Variants in EPHA3 observed in about 807,000 individuals in gnomAD.
The protein encoded by EPHA3 is EPH receptor A3, also known as ephrin type-A receptor 3.
EPHA3 carries 42 observed loss-of-function variants against 107.1 expected under a neutral mutation model. The ratio of observed to expected loss-of-function variants is 0.39; its 90% confidence interval spans 0.31 to 0.51. The LOEUF is 0.51. Ranked by LOEUF, EPHA3 falls within the 20% of genes least tolerant of loss-of-function variation. The pLI is 0.78. For synonymous variants in EPHA3, 461 were observed against 424.8 expected (o/e 1.09, Z -1.05); for missense variants, 1,183 against 1,211.2 (o/e 0.98, Z 0.35).
chr3:89,359,832 T>TATATACATATATATACATCTATATAC (rs747927767), intron 5 of EPHA3, among the ~76,000 whole-genome samples: 1 of 128,122 alleles, frequency 7.8e-6, no homozygotes, highest in African/African-American at 2.9e-5. Flanking sequence ...CATATATATA[T>TATATACATATATATACATCTATATAC]ACATATATAT....
chr3:89,369,670 CT>C (rs1708253530), intron 5 of EPHA3, among the ~76,000 whole-genome samples: 1 of 147,912 alleles, frequency 6.8e-6, no homozygotes, highest in East Asian at 2.0e-4. Context: ...TCTAATTAAA[CT>C]AAAGAGCTTC....
chr3:89,445,175 A>G (rs1453509171), intron 13 of EPHA3, among the ~76,000 whole-genome samples: 1 of 152,158 alleles, frequency 6.6e-6, no homozygotes, highest in Non-Finnish European at 1.5e-5. Flanking sequence ...CTGAGGCACA[A>G]GAATTGCTTG....
chr3:89,336,084 T>G (rs1301927895), intron 3 of EPHA3, among the ~76,000 whole-genome samples: 1 of 152,188 alleles, frequency 6.6e-6, no homozygotes, highest in Non-Finnish European at 1.5e-5. Context: ...CTTTTTTCTT[T>G]GGTATTCTCT....
intron 5 of EPHA3, among the ~76,000 whole-genome samples, chr3:89,351,466 T>G (rs886670526): frequency 4.7e-5 from 7 of 150,420 alleles, no homozygotes; most frequent in Admixed American, 2.0e-4. Context: ...TGCCTCGCCC[T>G]GCTTCGGCTC....
chr3:89,176,283 A>G (rs1182496113), intron 2 of EPHA3, among the ~76,000 whole-genome samples: 1 of 151,984 alleles, frequency 6.6e-6, no homozygotes, highest in Non-Finnish European at 1.5e-5. Context: ...GGAGATCGAG[A>G]CCAGCCTGGC....
chr3:89,287,563 G>A (rs1392419645), intron 3 of EPHA3, among the ~76,000 whole-genome samples: 1 of 152,056 alleles, frequency 6.6e-6, no homozygotes, highest in African/African-American at 2.4e-5. Flanking sequence ...AGTAACTCTA[G>A]TATTCTGGGA....
chr3:89,301,708 G>T (rs1706494258), intron 3 of EPHA3, among the ~76,000 whole-genome samples: 1 of 152,054 alleles, frequency 6.6e-6, no homozygotes, highest in African/African-American at 2.4e-5. Flanking sequence ...ATTTGGAGTT[G>T]CAATCCTGAC....
chr3:89,281,282 C>T (rs1705942611), intron 3 of EPHA3, among the ~76,000 whole-genome samples: 1 of 152,116 alleles, frequency 6.6e-6, no homozygotes, highest in Non-Finnish European at 1.5e-5. Flanking sequence ...GCCTTGGCCT[C>T]CTAAAGTGCT....
chr3:89,424,304 T>G (rs374649152), intron 11 of EPHA3, among the ~76,000 whole-genome samples: 1 of 151,254 alleles, frequency 6.6e-6, no homozygotes, highest in Non-Finnish European at 1.5e-5. Context: ...TCTTAATAAA[T>G]GCAAAAAATA....
chr3:89,179,865 TA>T (rs1450500517), intron 2 of EPHA3, among the ~76,000 whole-genome samples: 2 of 151,854 alleles, frequency 1.3e-5, no homozygotes, highest in Non-Finnish European at 2.9e-5. Context: ...CTCTCATGTG[TA>T]TAGTTGTTTT....
intron 1 of EPHA3, among the ~76,000 whole-genome samples, chr3:89,108,253 A>G (rs1253854733): frequency 6.6e-6 from 1 of 152,180 alleles, no homozygotes; most frequent in African/African-American, 2.4e-5. Context: ...TAGTATGTTT[A>G]AAGGTAATGA....
chr3:89,352,599 G>C (rs1707852227), intron 5 of EPHA3, among the ~76,000 whole-genome samples: 1 of 150,874 alleles, frequency 6.6e-6, no homozygotes, highest in South Asian at 2.1e-4. Flanking sequence ...AGAGCCCTTT[G>C]ACTAAATTTA....
chr3:89,286,029 C>T (rs919515522), intron 3 of EPHA3, among the ~76,000 whole-genome samples: 2 of 151,744 alleles, frequency 1.3e-5, no homozygotes, highest in Non-Finnish European at 1.5e-5. Context: ...TTGATACTGT[C>T]TGGGAGGCCT....
chr3:89,267,798 C>A (rs1238769807), intron 3 of EPHA3, among the ~76,000 whole-genome samples: 1 of 151,984 alleles, frequency 6.6e-6, no homozygotes, highest in African/African-American at 2.4e-5. Context: ...TAAATGAAGG[C>A]CAAACTGACT....
intron 2 of EPHA3, among the ~76,000 whole-genome samples, chr3:89,201,241 C>T (rs1426436176): frequency 2.0e-5 from 3 of 152,110 alleles, no homozygotes; most frequent in Admixed American, 6.5e-5. Flanking sequence ...TGAGAACTCC[C>T]TCAATATCAT....
chr3:89,108,348 G>C (rs2106934082), intron 1 of EPHA3, among the ~76,000 whole-genome samples: 1 of 152,274 alleles, frequency 6.6e-6, no homozygotes, highest in South Asian at 2.1e-4. Context: ...GCGTGTTTAT[G>C]GTGCAAGGGC....
chr3:89,150,213 G>C (rs1704659370), intron 2 of EPHA3, among the ~76,000 whole-genome samples: 1 of 151,942 alleles, frequency 6.6e-6, no homozygotes, highest in African/African-American at 2.4e-5. Context: ...AGACATTGCA[G>C]ATATGAAAGT....
intron 2 of EPHA3, among the ~76,000 whole-genome samples, chr3:89,161,918 A>C (rs1318771510): frequency 6.6e-6 from 1 of 151,816 alleles, no homozygotes; most frequent in Non-Finnish European, 1.5e-5. Flanking sequence ...TAGAGGCTGC[A>C]GTGAGCCATG....
At chr3:89,447,863 C>T (rs1364318919) in intron 13 of EPHA3, among the ~76,000 whole-genome samples, 1 of 152,126 alleles carries the variant, frequency 6.6e-6, no homozygotes, top group Non-Finnish European at 1.5e-5. Context: ...AATTGCTAAT[C>T]CATTTGTGTA....
Sources: allele counts gnomAD v4.1 joint callset (sites outside exome capture counted in the v4.1 genomes callset), GRCh38; gene constraint gnomAD v4.1.1; transcripts MANE v1.5; gene names NCBI Gene and HGNC (gene_info 2026-07-23, HGNC 2026-07-21).